The following IFI16 variants were observed in gnomAD, a reference collection of about 807,000 sequenced individuals.
The protein encoded by IFI16 is interferon gamma inducible protein 16.
Under a neutral mutation model 68.4 loss-of-function variants are expected in IFI16, and 49 were observed. The observed-to-expected ratio is 0.72, with a 90% CI of 0.57 to 0.91. The LOEUF is 0.91. Among genes scored for constraint, IFI16 ranks in the 40% least tolerant of loss-of-function variants. The pLI, the probability that IFI16 is intolerant of heterozygous loss-of-function variation, is 0.00. For synonymous variants in IFI16, 307 were observed against 315.0 expected (o/e 0.97, Z 0.27); for missense variants, 878 against 942.9 (o/e 0.93, Z 0.90).
chr1:159,022,313 T>C (rs910207406), intron 6 of IFI16, among the ~76,000 whole-genome samples: 3 of 152,232 alleles, frequency 2.0e-5, no homozygotes, highest in Non-Finnish European at 4.4e-5. Context: ...GCTTGTTCCC[T>C]GGTGCCATAA....
chr1:159,031,409 C>T (rs191453664), intron 6 of IFI16, among the ~76,000 whole-genome samples: 49 of 152,340 alleles, frequency 3.2e-4, no homozygotes, highest in Admixed American at 2.6e-3. Context: ...TTTCTTCTCC[C>T]TGTGGTATTT....
intron 7 of IFI16, among the ~76,000 whole-genome samples, chr1:159,035,762 T>C (rs1047929950): frequency 1.3e-4 from 20 of 152,152 alleles, no homozygotes; most frequent in Non-Finnish European, 1.0e-4. Flanking sequence ...TTGATTTTTT[T>C]TTTTCTGTTC....
chr1:159,007,247 G>C (rs1229793568), upstream of IFI16, among the ~76,000 whole-genome samples: 1 of 152,188 alleles, frequency 6.6e-6, no homozygotes, highest in Non-Finnish European at 1.5e-5. Context: ...GGGAAAATCA[G>C]ATTCTGTGTC....
intron 7 of IFI16, among the ~76,000 whole-genome samples, chr1:159,044,963 C>G (rs550156920): frequency 6.6e-6 from 1 of 151,878 alleles, no homozygotes; most frequent in South Asian, 2.1e-4. Context: ...ATGTAGCCAA[C>G]TTTATTGCAA....
intron 6 of IFI16, among the ~76,000 whole-genome samples, chr1:159,029,884 G>A (rs1324601422): frequency 1.3e-5 from 2 of 152,184 alleles, no homozygotes; most frequent in African/African-American, 4.8e-5. Flanking sequence ...GTTTCACTAT[G>A]TTGGCCAGGC....
intron 2 of IFI16, chr1:159,015,598 A>G (rs1652869469): frequency 3.8e-6 from 1 of 263,316 alleles, no homozygotes; most frequent in African/African-American, 2.2e-5. Context: ...ACTGAAGCAC[A>G]TGGAGTTCAG....
upstream of IFI16, among the ~76,000 whole-genome samples, chr1:159,009,583 C>T (rs1269998832): frequency 1.3e-5 from 2 of 152,140 alleles, no homozygotes; most frequent in African/African-American, 4.8e-5. Flanking sequence ...ACATGTAAGT[C>T]TGCTGGGTAA....
At position 159,053,474 on chromosome 1, in the gene IFI16, C is replaced by T. The variant is rs1344448643; in HGVS notation, c.2086-59C>T. The T allele has an allele frequency of 2.3e-6, 3 of 1,280,338 alleles. No individual in the cohort carries two copies. In the African/African-American group the frequency reaches 4.4e-5, roughly 19 times the overall value. 79.3% of individuals were successfully genotyped at this position (1,280,338 alleles called of 1,614,324 possible). The stretch of plus-strand genomic sequence containing the variant: ...GTTTCCAGAAACACCCTGTATTTCT[C>T]ATAGATTTGAAAATTATTGATCCAG... On this transcript the variant is annotated intron_variant, in intron 10 of 11. Coordinates refer to ENST00000295809, the MANE Select transcript of IFI16 (RefSeq NM_001376587.1).
chr1:159,012,655 C>T (rs1298889161), intron 1 of IFI16, among the ~76,000 whole-genome samples: 3 of 152,134 alleles, frequency 2.0e-5, no homozygotes, highest in East Asian at 3.8e-4. Context: ...GTGCTGCCTG[C>T]GTCAGTCACA....
intron 7 of IFI16, among the ~76,000 whole-genome samples, chr1:159,037,472 TGAA>T (rs1291431137): frequency 6.6e-6 from 1 of 152,154 alleles, no homozygotes; most frequent in Non-Finnish European, 1.5e-5. Flanking sequence ...ATTCAAAACC[TGAA>T]GAAGACAGAA....
chr1:159,004,967 C>A (rs925492485), upstream of IFI16, among the ~76,000 whole-genome samples: 3 of 152,056 alleles, frequency 2.0e-5, no homozygotes, highest in African/African-American at 4.8e-5. Context: ...AATGTTTTTA[C>A]CCCCTTCAAA....
chr1:159,032,520 T>A lies in IFI16; in HGVS notation c.1162-4T>A. 6.4e-7 allele frequency: 1 copy of A among 1,563,362 alleles called. No homozygotes were observed. The highest frequency in any genetic ancestry group is 8.6e-7 in the Non-Finnish European group (1 of 1,158,268). On this transcript the variant is annotated splice_polypyrimidine_tract_variant and splice_region_variant and intron_variant, in intron 6 of 11. Coordinates refer to ENST00000295809, the MANE Select transcript of IFI16 (RefSeq NM_001376587.1). The stretch of plus-strand genomic sequence containing the variant: ...ACCATTAAACAGAAAATGAATACTT[T>A]CAGATAAAGAAAAAAACAAACCCGA...
intron 6 of IFI16, among the ~76,000 whole-genome samples, chr1:159,026,608 A>G (rs1653688200): frequency 6.6e-6 from 1 of 151,878 alleles, no homozygotes; most frequent in African/African-American, 2.4e-5. Context: ...CAATATGGTC[A>G]TTTTCACGAT....
chr1:159,037,189 T>C (rs1271936563), intron 7 of IFI16, among the ~76,000 whole-genome samples: 1 of 152,198 alleles, frequency 6.6e-6, no homozygotes, highest in East Asian at 1.9e-4. Flanking sequence ...AAGTTCCCAA[T>C]TGCCTAAATA....
rs115135735 is a variant in IFI16 at position 159,053,462 on chromosome 1, C to T, written c.2086-71C>T. The T allele has an allele frequency of 1.7e-3, 1,863 of 1,127,908 alleles. 25 individuals are homozygous for T. The African/African-American group carries it at 0.025, about 15-fold the overall frequency. 69.9% of individuals were successfully genotyped at this position (1,127,908 alleles called of 1,614,324 possible). A position where few individuals can be genotyped will look rare whatever the true frequency, so the allele number is the denominator to read the frequency against. ...TCAAAGACAAAAGTTTCCAGAAACA[C>T]CCTGTATTTCTCATAGATTTGAAAA... On this transcript the variant is annotated intron_variant, in intron 10 of 11. Coordinates refer to ENST00000295809, the MANE Select transcript of IFI16 (RefSeq NM_001376587.1).
intron 4 of IFI16, 49 bp from the exon 5 acceptor site, chr1:159,018,173 GTTCTGTA>G: frequency 6.8e-7 from 1 of 1,460,554 alleles, no homozygotes; most frequent in Non-Finnish European, 9.5e-7. Context: ...CTGAATAGCA[GTTCTGTA>G]TTTCTCAATT....
Position 159,054,860 on chromosome 1 carries a change from C to T in IFI16, c.2317C>T (p.Pro773Ser). Residue 773 changes from proline to serine, a missense_variant, in exon 12 of 12, where the codon CCT becomes TCT. Coordinates refer to ENST00000295809, the MANE Select transcript of IFI16 (RefSeq NM_001376587.1). ...GAAAAACAAGAAAGACATACTCAAT[C>T]CTGATTCAAGTATGGAAACTTCACC... ...TRKNKKDILN[P>S]DSSMETSPDF... 1 of 1,605,040 alleles carries T rather than the reference C, an allele frequency of 6.2e-7. No homozygotes were observed.
upstream of IFI16, among the ~76,000 whole-genome samples, chr1:159,000,973 A>G (rs1159432875): frequency 6.6e-6 from 1 of 152,210 alleles, no homozygotes; most frequent in Non-Finnish European, 1.5e-5. Flanking sequence ...CAATATGTTG[A>G]GGTAGGGGAA....
At chr1:159,051,613 T>C in intron 9 of IFI16, 66 bp from the exon 10 acceptor site, 4 of 1,298,444 alleles carry the variant, frequency 3.1e-6, no homozygotes, top group Non-Finnish European at 4.3e-6. Flanking sequence ...GAGATGACTC[T>C]CACTAGAGAA....
Sources: gnomAD v4.1 joint callset for allele counts (sites outside exome capture counted in the v4.1 genomes callset) on GRCh38, gnomAD v4.1.1 for gene constraint, MANE v1.5 for transcripts, NCBI Gene and HGNC (gene_info 2026-07-23, HGNC 2026-07-21) for gene names.